IGF2R: variants seen among roughly 807,000 people sequenced by gnomAD.
IGF2R encodes cation-independent mannose-6-phosphate receptor.
Under a neutral mutation model 270.6 loss-of-function variants are expected in IGF2R, and 91 were observed. The ratio of observed to expected loss-of-function variants is 0.34; its 90% confidence interval spans 0.28 to 0.40. The LOEUF (loss-of-function observed/expected upper bound fraction) is 0.40. Among genes scored for constraint, IGF2R ranks in the 10% least tolerant of loss-of-function variants. The pLI, the probability that IGF2R is intolerant of heterozygous loss-of-function variation, is 1.00. For missense variants in IGF2R, 2,805 were observed against 3,188.3 expected, an observed-to-expected ratio of 0.88 and a Z score of 2.90; for synonymous variants, 1,316 against 1,258.9, an observed-to-expected ratio of 1.05 and a Z score of -0.96.
intron 1 of IGF2R, among the ~76,000 whole-genome samples, chr6:159,978,805 C>G (rs756025015): frequency 1.3e-5 from 2 of 152,154 alleles, no homozygotes; most frequent in African/African-American, 2.4e-5. Flanking sequence ...TGAACCTGGC[C>G]GTTCAGCCAG....
In IGF2R at chr6:160,054,617, T is replaced by C. The variant is rs1778271421; in HGVS notation, c.2695-1807T>C. ...GAGGAAAGGGGTGTAATGGGGTATG[T>C]CTCACCTCCCACCCCGTCATGGACA... On this transcript the variant is annotated intron_variant, in intron 19 of 47. Transcript: ENST00000356956. 2.0e-5 allele frequency among the ~76,000 whole-genome samples: 3 copies of C among 152,148 alleles called. No homozygotes were observed. The South Asian group carries it at 6.2e-4, about 32-fold the overall frequency.
chr6:160,035,007 A>G (rs1467800849), intron 10 of IGF2R, among the ~76,000 whole-genome samples: 2 of 152,162 alleles, frequency 1.3e-5, no homozygotes, highest in African/African-American at 4.8e-5. Flanking sequence ...GAAGGCGTGC[A>G]TTTCTCTGAG....
intron 28 of IGF2R, 73 bp downstream of exon 28, chr6:160,064,604 A>G: frequency 6.6e-7 from 1 of 1,526,002 alleles, no homozygotes; most frequent in Non-Finnish European, 9.0e-7. Context: ...ATTAGAAAGA[A>G]TCTGTCCTCA....
At chr6:160,009,967 C>T (rs775334120) in intron 3 of IGF2R, among the ~76,000 whole-genome samples, 14 of 144,436 alleles carry the variant, frequency 9.7e-5, no homozygotes, top group Admixed American at 4.2e-4. Flanking sequence ...TAAATTGCAT[C>T]GTTGTGCATA....
At chr6:159,990,344 G>A (rs1328657952) in intron 1 of IGF2R, among the ~76,000 whole-genome samples, 1 of 152,166 alleles carries the variant, frequency 6.6e-6, no homozygotes, top group African/African-American at 2.4e-5. Context: ...TTACCCTTAT[G>A]CTGTTCTCGT....
Position 160,075,864 on chromosome 6 carries a change from A to AGG in IGF2R, c.5185_5186dup (p.Pro1730AspfsTer8). ...TTGTTTAGGATATCGGCCGGGTAGC[A>AGG]GGACCACCAATACTCAATCCAATAG... is the stretch of plus-strand genomic sequence containing the variant. On this transcript the variant is annotated frameshift_variant, in exon 36 of 48. Transcript: ENST00000356956. LOFTEE classifies it high-confidence loss of function. 1 of 1,613,946 alleles carries AGG rather than the reference A, an allele frequency of 6.2e-7. No homozygotes were observed. Among genetic ancestry groups the AGG allele is most frequent in the Non-Finnish European group, 8.5e-7 (1 of 1,179,812 alleles).
At chr6:160,001,804 C>CAATATTTGACAAATA (rs1784133552) in intron 2 of IGF2R, among the ~76,000 whole-genome samples, 3 of 152,162 alleles carry the variant, frequency 2.0e-5, no homozygotes, top group Non-Finnish European at 4.4e-5. Context: ...TTCATAGGGC[C>CAATATTTGACAAATA]TGTGAACAAT....
intron 1 of IGF2R, among the ~76,000 whole-genome samples, chr6:159,972,408 G>GC (rs1184333795): frequency 6.6e-6 from 1 of 152,110 alleles, no homozygotes; most frequent in African/African-American, 2.4e-5. Flanking sequence ...TCATTGTATG[G>GC]CCCCCAGAAA....
At chr6:160,080,078 G>A (rs748696802) in intron 38 of IGF2R, 51 bp from the exon 39 acceptor site, 40 of 1,599,872 alleles carry the variant, frequency 2.5e-5, no homozygotes, top group Non-Finnish European at 8.5e-6. Context: ...TGAGGTGATT[G>A]TGCCTGGCGA....
chr6:160,007,567 T>G (rs554162006), intron 2 of IGF2R: 1 of 152,354 alleles, frequency 6.6e-6, no homozygotes, highest in South Asian at 2.1e-4. Flanking sequence ...GTGACCTAGA[T>G]TAGAATTTTT....
rs886400603 is a variant in IGF2R, at chr6:160,104,816, A to G, written c.7208A>G (p.His2403Arg). The G allele has an allele frequency of 6.2e-7, 1 of 1,614,090 alleles. No individual in the cohort carries two copies. The highest frequency in any genetic ancestry group is 1.3e-5 in the African/African-American group (1 of 74,926). ...TKSVKALSSL[H>R]GDDQDSEDEV... Reference sequence around the variant, plus strand: ...TCAGTGAAAGCCCTCAGCTCCCTGCATGGGGATGACCAGGACAGTGAGGAT... The same window carrying G: ...TCAGTGAAAGCCCTCAGCTCCCTGCGTGGGGATGACCAGGACAGTGAGGAT... The change falls in exon 48 of 48, where the codon CAT (histidine) becomes CGT (arginine). Residue 2403 changes from histidine (H) to arginine (R), a missense_variant. Coordinates refer to ENST00000356956, the MANE Select transcript of IGF2R (RefSeq NM_000876.4).
At chr6:160,093,436 C>T (rs753600320) in intron 44 of IGF2R, 33 of 373,004 alleles carry the variant, frequency 8.8e-5, no homozygotes, top group Non-Finnish European at 1.7e-4. Flanking sequence ...TCTCAGGCCT[C>T]CACCTTACTG....
At chr6:160,046,075 AG>A (rs1490317703) in intron 14 of IGF2R, among the ~76,000 whole-genome samples, 193 bp downstream of exon 14, 1 of 152,224 alleles carries the variant, frequency 6.6e-6, no homozygotes, top group African/African-American at 2.4e-5. Context: ...TTCATTATTG[AG>A]GTGGTTTTGC....
intron 15 of IGF2R, 58 bp from the exon 16 acceptor site, chr6:160,047,101 G>T: frequency 6.5e-7 from 1 of 1,536,000 alleles, no homozygotes; most frequent in Non-Finnish European, 9.0e-7. Context: ...CAGTGTGGCA[G>T]CCTTGGAGTG....
chr6:159,985,728 C>T (rs1407661099), intron 1 of IGF2R, among the ~76,000 whole-genome samples: 1 of 152,208 alleles, frequency 6.6e-6, no homozygotes, highest in African/African-American at 2.4e-5. Context: ...GGAGCACTGT[C>T]TGGAGGAGCT....
intron 35 of IGF2R, among the ~76,000 whole-genome samples, chr6:160,074,444 T>A (rs74619348): frequency 0.011 from 1,682 of 152,368 alleles, 34 homozygotes; most frequent in African/African-American, 0.039. Flanking sequence ...TTTGGTTTTA[T>A]GCATTAAAAA....
intron 47 of IGF2R, among the ~76,000 whole-genome samples, chr6:160,104,057 T>A (rs951219909): frequency 6.6e-6 from 1 of 152,122 alleles, no homozygotes; most frequent in Admixed American, 6.5e-5. Flanking sequence ...TTAGGTTGTT[T>A]CCACTGTTTT....
chr6:160,008,921 A>G, intron 2 of IGF2R, 89 bp from the exon 3 acceptor site: 1 of 1,326,228 alleles, frequency 7.5e-7, no homozygotes, highest in Non-Finnish European at 1.1e-6. Context: ...GATACATTAT[A>G]ATGCTACTTT....
At chr6:160,101,225 A>G (rs1289377970) in intron 45 of IGF2R, among the ~76,000 whole-genome samples, 1 of 152,238 alleles carries the variant, frequency 6.6e-6, no homozygotes, top group Non-Finnish European at 1.5e-5. Context: ...CTATGGTCCA[A>G]AGAAGAAATC....
Sources: allele counts gnomAD v4.1 joint callset (sites outside exome capture counted in the v4.1 genomes callset), GRCh38; gene constraint gnomAD v4.1.1; transcripts MANE v1.5; gene names NCBI Gene and HGNC (gene_info 2026-07-23, HGNC 2026-07-21).